The following WWOX variants were observed in gnomAD, a reference collection of about 807,000 sequenced individuals.
The protein encoded by WWOX is WW domain containing oxidoreductase, also known as WW domain-containing oxidoreductase.
Under a neutral mutation model 46.2 loss-of-function variants are expected in WWOX, and 69 were observed. The ratio of observed to expected loss-of-function variants is 1.49; its 90% CI spans 1.23 to 1.82. WWOX has a LOEUF of 1.82. WWOX is among the 40% of genes most tolerant of loss of function. The pLI is 0.00. For missense variants in WWOX, 919 were observed against 542.6 expected (o/e 1.69, Z -6.89); for synonymous variants, 359 against 202.6 (o/e 1.77, Z -6.56).
At chr16:78,786,590 G>A (rs1238624755) in intron 8 of WWOX, among the ~76,000 whole-genome samples, 2 of 152,110 alleles carry the variant, frequency 1.3e-5, no homozygotes, top group African/African-American at 2.4e-5. Context: ...CCCATTTGAA[G>A]TGTAACATTC....
chr16:78,379,670 G>C (rs746274274), intron 5 of WWOX, among the ~76,000 whole-genome samples: 1 of 152,190 alleles, frequency 6.6e-6, no homozygotes, highest in Non-Finnish European at 1.5e-5. Flanking sequence ...GTGGGCAGCA[G>C]ACCAACTACT....
At chr16:78,911,169 C>T (rs1350632268) in intron 8 of WWOX, among the ~76,000 whole-genome samples, 1 of 151,894 alleles carries the variant, frequency 6.6e-6, no homozygotes, top group African/African-American at 2.4e-5. Context: ...GAAGGTGGCC[C>T]TCCACCACAC....
At chr16:78,644,126 G>T (rs1046306481) in intron 8 of WWOX, among the ~76,000 whole-genome samples, 1 of 152,140 alleles carries the variant, frequency 6.6e-6, no homozygotes, top group Non-Finnish European at 1.5e-5. Flanking sequence ...GAAGGCTGAG[G>T]CGGGAGAATC....
At chr16:78,593,272 C>G (rs1159724423) in intron 8 of WWOX, among the ~76,000 whole-genome samples, 2 of 152,036 alleles carry the variant, frequency 1.3e-5, no homozygotes, top group Non-Finnish European at 2.9e-5. Context: ...AACTCCTGGC[C>G]TCAAGCAATC....
intron 8 of WWOX, among the ~76,000 whole-genome samples, chr16:78,577,846 G>T (rs1387772683): frequency 6.6e-6 from 1 of 152,078 alleles, no homozygotes; most frequent in Non-Finnish European, 1.5e-5. Context: ...CCTTGTTTGG[G>T]CTTGTGCCGT....
intron 6 of WWOX, among the ~76,000 whole-genome samples, chr16:78,413,429 G>A (rs995624878): frequency 2.0e-5 from 3 of 152,186 alleles, no homozygotes; most frequent in African/African-American, 7.2e-5. Context: ...ATAGGCGGTA[G>A]AGTTAGGAGC....
chr16:78,278,033 G>C (rs975158627), intron 5 of WWOX, among the ~76,000 whole-genome samples: 1 of 152,104 alleles, frequency 6.6e-6, no homozygotes, highest in Non-Finnish European at 1.5e-5. Flanking sequence ...CGGTGTGAGT[G>C]GGGGACAAAG....
intron 8 of WWOX, among the ~76,000 whole-genome samples, chr16:78,437,384 ATC>A (rs2083357578): frequency 6.6e-6 from 1 of 152,164 alleles, no homozygotes; most frequent in Non-Finnish European, 1.5e-5. Flanking sequence ...ATTAAATGTG[ATC>A]TGTCTTTTAA....
At chr16:79,137,535 C>A (rs528318698) in intron 8 of WWOX, among the ~76,000 whole-genome samples, 12 of 152,240 alleles carry the variant, frequency 7.9e-5, no homozygotes, top group African/African-American at 2.6e-4. Context: ...GTGGCATTGT[C>A]CCGAGGCAAC....
At chr16:78,356,071 T>TAAA (rs61113878) in intron 5 of WWOX, among the ~76,000 whole-genome samples, 4,391 of 75,872 alleles carry the variant, frequency 0.058, 381 homozygotes, top group East Asian at 0.14. Flanking sequence ...TTTTTTTTCC[T>TAAA]AAAAAAAAAA....
chr16:78,915,273 CAG>C (rs2045221208), intron 8 of WWOX, among the ~76,000 whole-genome samples: 1 of 152,178 alleles, frequency 6.6e-6, no homozygotes, highest in African/African-American at 2.4e-5. Flanking sequence ...AGTCATGAAA[CAG>C]AGAATCTGGT....
In WWOX at chr16:78,552,545, A is replaced by G. The variant is rs540783120; in HGVS notation, c.1056+119793A>G. The G allele has an allele frequency of 6.6e-5, 10 of 152,340 alleles. No individual in the cohort carries two copies. In the East Asian group the frequency reaches 1.9e-3, roughly 29 times the overall value. The allele number at this position is 152,340 out of a possible 1,614,324, so 9.4% of individuals were successfully genotyped here. On this transcript the variant is annotated intron_variant, in intron 8 of 8. Transcript: ENST00000566780. ...GAGTAGAGGAGCAGCTGGAGGGTCC[A>G]GGAGCCCCCTGAACTGAGTATCCGG... is the stretch of plus-strand genomic sequence containing the variant.
intron 8 of WWOX, among the ~76,000 whole-genome samples, chr16:79,005,419 C>T (rs1284183934): frequency 6.6e-6 from 1 of 152,192 alleles, no homozygotes; most frequent in African/African-American, 2.4e-5. Flanking sequence ...GTGCCACGTA[C>T]TAGGTGGCTT....
chr16:78,489,316 C>G (rs1424421190), intron 8 of WWOX, among the ~76,000 whole-genome samples: 1 of 152,152 alleles, frequency 6.6e-6, no homozygotes, highest in Non-Finnish European at 1.5e-5. Context: ...GCTGAGGTCG[C>G]TCTGCTTGGA....
chr16:78,787,172 A>T (rs959051365), intron 8 of WWOX, among the ~76,000 whole-genome samples: 3 of 152,132 alleles, frequency 2.0e-5, no homozygotes, highest in South Asian at 2.1e-4. Context: ...AACAAACAAA[A>T]CAAAAAAAGT....
intron 8 of WWOX, among the ~76,000 whole-genome samples, chr16:79,059,396 C>G (rs775726866): frequency 1.4e-4 from 21 of 152,206 alleles, no homozygotes; most frequent in Non-Finnish European, 2.9e-4. Context: ...TGGGTGTGAT[C>G]TTGACATTGA....
At chr16:78,678,558 T>C (rs2047657228) in intron 8 of WWOX, among the ~76,000 whole-genome samples, 1 of 152,082 alleles carries the variant, frequency 6.6e-6, no homozygotes, top group Admixed American at 6.5e-5. Context: ...GGAAGCTGAG[T>C]CCATGCCAAG....
chr16:78,707,451 G>C (rs1215852284), intron 8 of WWOX, among the ~76,000 whole-genome samples: 1 of 152,114 alleles, frequency 6.6e-6, no homozygotes, highest in Non-Finnish European at 1.5e-5. Context: ...CATCTTCTTG[G>C]GCTAGTTGGT....
chr16:78,849,284 C>T (rs570032945), intron 8 of WWOX, among the ~76,000 whole-genome samples: 45 of 152,148 alleles, frequency 3.0e-4, no homozygotes, highest in Admixed American at 7.2e-4. Flanking sequence ...AAAAACACAA[C>T]GACAGGCCGG....
Sources: gnomAD v4.1 joint callset for allele counts (sites outside exome capture counted in the v4.1 genomes callset) on GRCh38, gnomAD v4.1.1 for gene constraint, MANE v1.5 for transcripts, NCBI Gene and HGNC (gene_info 2026-07-23, HGNC 2026-07-21) for gene names.